The following PSD3 variants were observed in gnomAD, a reference collection of about 807,000 sequenced individuals.
PSD3 encodes the protein pleckstrin and Sec7 domain containing 3.
Under a neutral mutation model 105.5 loss-of-function variants are expected in PSD3, and 49 were observed. That is an observed-to-expected ratio of 0.46 (90% confidence interval 0.37 to 0.59). The LOEUF is 0.59. PSD3 is among the 20% of genes least tolerant of loss of function. PSD3 has a pLI of 0.00. For missense variants in PSD3, 1,561 were observed against 1,263.8 expected, an observed-to-expected ratio of 1.24 and a Z score of -3.57; for synonymous variants, 557 against 457.8, an observed-to-expected ratio of 1.22 and a Z score of -2.77.
chr8:19,026,971 A>G (rs1015001060), intron 1 of PSD3, among the ~76,000 whole-genome samples: 24 of 152,146 alleles, frequency 1.6e-4, no homozygotes, highest in Non-Finnish European at 2.8e-4. Flanking sequence ...TTTGGGCAAG[A>G]ATAGTATGTT....
intron 12 of PSD3, among the ~76,000 whole-genome samples, chr8:18,599,512 A>G (rs1442833494): frequency 1.3e-5 from 2 of 152,186 alleles, no homozygotes; most frequent in Non-Finnish European, 2.9e-5. Flanking sequence ...ATGAATAAAG[A>G]ATATGTGCTA....
intron 1 of PSD3, among the ~76,000 whole-genome samples, chr8:19,010,169 A>G (rs1826886784): frequency 6.6e-6 from 1 of 152,218 alleles, no homozygotes; most frequent in Non-Finnish European, 1.5e-5. Flanking sequence ...GTAAGCCTCA[A>G]GGAGTGAGTG....
intron 10 of PSD3, among the ~76,000 whole-genome samples, chr8:18,641,625 A>T (rs1003030353): frequency 1.3e-5 from 2 of 152,208 alleles, no homozygotes; most frequent in Non-Finnish European, 2.9e-5. Flanking sequence ...AGTTACAAAC[A>T]TTGGTGTAGC....
chr8:18,976,510 T>C (rs1333551110), intron 1 of PSD3, among the ~76,000 whole-genome samples: 1 of 152,194 alleles, frequency 6.6e-6, no homozygotes, highest in Non-Finnish European at 1.5e-5. Context: ...GCTGGGAATA[T>C]GTAGTTAGCA....
At chr8:18,665,185 A>G (rs754895548) in intron 9 of PSD3, among the ~76,000 whole-genome samples, 2 of 152,240 alleles carry the variant, frequency 1.3e-5, no homozygotes, top group Non-Finnish European at 2.9e-5. Flanking sequence ...CCTCTGATGG[A>G]TATGGGCAAA....
intron 1 of PSD3, among the ~76,000 whole-genome samples, chr8:19,009,092 G>T (rs375152728): frequency 2.0e-5 from 3 of 152,062 alleles, no homozygotes; most frequent in African/African-American, 7.2e-5. Flanking sequence ...ACATAACTAC[G>T]TGGAACTCCT....
At chr8:18,861,642 T>C (rs73666739) in intron 4 of PSD3, among the ~76,000 whole-genome samples, 13,244 of 152,220 alleles carry the variant, frequency 0.087, 721 homozygotes, top group African/African-American at 0.15. Flanking sequence ...CTCAGCCCCA[T>C]GTGTCCTAGA....
In PSD3 at chr8:19,069,969, A is replaced by C. The variant is rs550653567; in HGVS notation, c.324+14237T>G. ...TTTTTCTTTTTTTTTTTTTTGAGAC[A>C]GAGTCTTGCTCTGTCACCAGGCTGG... is the stretch of plus-strand genomic sequence containing the variant. On this transcript the variant is annotated intron_variant, in intron 1 of 1. Transcript: ENST00000521475. 3.0e-3 allele frequency among the ~76,000 whole-genome samples: 450 copies of C among 149,490 alleles called. 5 individuals are homozygous for C. Among genetic ancestry groups the C allele is most frequent in the African/African-American group, 0.01 (426 of 40,586 alleles).
chr8:18,787,450 A>T (rs1307551419), intron 8 of PSD3, among the ~76,000 whole-genome samples: 1 of 152,186 alleles, frequency 6.6e-6, no homozygotes, highest in Non-Finnish European at 1.5e-5. Context: ...TAGGCATTTT[A>T]ATCAAACTTA....
intron 1 of PSD3, among the ~76,000 whole-genome samples, chr8:18,973,970 T>C (rs116022442): frequency 0.013 from 2,051 of 152,314 alleles, 60 homozygotes; most frequent in African/African-American, 0.047. Context: ...TGCTGTTAAG[T>C]AGCAGGACAG....
chr8:18,980,061 G>A (rs1563482783), intron 1 of PSD3, among the ~76,000 whole-genome samples: 1 of 152,142 alleles, frequency 6.6e-6, no homozygotes, highest in Non-Finnish European at 1.5e-5. Flanking sequence ...GGTGTAACAG[G>A]TTCTCTGCCC....
At chr8:18,840,433 G>C (rs1814524815) in intron 4 of PSD3, among the ~76,000 whole-genome samples, 1 of 152,158 alleles carries the variant, frequency 6.6e-6, no homozygotes, top group Non-Finnish European at 1.5e-5. Flanking sequence ...CATTTCAGTG[G>C]GATCTATCAT....
chr8:18,695,294 T>A (rs983776469), intron 9 of PSD3, among the ~76,000 whole-genome samples: 1 of 152,216 alleles, frequency 6.6e-6, no homozygotes, highest in South Asian at 2.1e-4. Flanking sequence ...ACAACAGTCA[T>A]TGATACCTGT....
chr8:19,084,292 C>T (rs1470427818), exon 1 of PSD3: 1 of 456,274 alleles, frequency 2.2e-6, no homozygotes, highest in Non-Finnish European at 4.4e-6. Context: ...GCCCTTGTCG[C>T]CTGCGCTGTG....
chr8:18,575,518 A>G (rs1042212798), intron 12 of PSD3, among the ~76,000 whole-genome samples: 1 of 152,196 alleles, frequency 6.6e-6, no homozygotes, highest in African/African-American at 2.4e-5. Flanking sequence ...TTTAAAAATC[A>G]GTTTTTTTAA....
chr8:18,544,143 C>T (rs902887872), intron 15 of PSD3, among the ~76,000 whole-genome samples: 14 of 126,118 alleles, frequency 1.1e-4, no homozygotes, highest in Admixed American at 4.9e-4. Context: ...GCTCCTAGAT[C>T]TCTACAATGG....
Position 18,868,018 on chromosome 8 carries a change from C to G in PSD3, c.1290G>C (p.Gly430=), listed in dbSNP as rs775274853. The change falls in exon 4 of 16, where the codon GGG becomes GGC. Residue 430 remains glycine, a synonymous_variant. Transcript: ENST00000327040. ...CGGTGGAGTCCTCCGTATATCCAGG[C>G]CCAAGGATGTCTTCATCTTCCCCCT... The part of the protein sequence containing the change: ...HVKGEDEDIL[G]PGYTEDSTDV... 4 of 1,613,692 alleles carry G rather than the reference C, an allele frequency of 2.5e-6. No individual in the cohort carries two copies. In the Admixed American group the frequency reaches 5.0e-5, roughly 20 times the overall value.
At chr8:18,674,144 T>TAA (rs61430723) in intron 9 of PSD3, among the ~76,000 whole-genome samples, 4 of 145,644 alleles carry the variant, frequency 2.7e-5, no homozygotes, top group African/African-American at 1.0e-4. Flanking sequence ...AAACTTGTCT[T>TAA]AAAAAAAAAA....
intron 2 of PSD3, among the ~76,000 whole-genome samples, chr8:18,927,741 G>C (rs911472991): frequency 1.3e-5 from 2 of 152,168 alleles, no homozygotes; most frequent in African/African-American, 4.8e-5. Context: ...GCCCCGTCCT[G>C]AAGCTACCTA....
Sources: allele counts gnomAD v4.1 joint callset (sites outside exome capture counted in the v4.1 genomes callset), GRCh38; gene constraint gnomAD v4.1.1; transcripts MANE v1.5; gene names NCBI Gene and HGNC (gene_info 2026-07-23, HGNC 2026-07-21).